Variants in FGFR2 observed in about 807,000 individuals in gnomAD.
FGFR2 encodes fibroblast growth factor receptor 2.
FGFR2 carries 19 observed loss-of-function variants against 95.9 expected under a neutral mutation model. That is an observed-to-expected ratio of 0.20 (90% CI 0.14 to 0.29). The LOEUF (loss-of-function observed/expected upper bound fraction) is 0.29, where lower values mean the gene tolerates loss of function less well. Ranked by LOEUF, FGFR2 falls within the 10% of genes least tolerant of loss-of-function variation. The pLI is 1.00. For missense variants in FGFR2, 707 were observed against 1,056.9 expected (o/e 0.67, Z 4.59); for synonymous variants, 392 against 393.3 (o/e 1.00, Z 0.04).
intron 6 of FGFR2, among the ~76,000 whole-genome samples, chr10:121,528,930 T>G (rs545339864): frequency 6.6e-6 from 1 of 152,200 alleles, no homozygotes; most frequent in South Asian, 2.1e-4. Flanking sequence ...AATGTAAAAT[T>G]TATTTATTTA....
rs200700308 is a variant in FGFR2 at position 121,565,671 on chromosome 10, T to G, written c.143A>C (p.Glu48Ala). The change falls in exon 3 of 18, where the codon GAA becomes GCA. Residue 48 changes from glutamate (E) to alanine (A), a missense_variant. Transcript: ENST00000358487. ...CTCCCCTGGCGCAGCCACGTACACT[T>G]CTGGTTGAGAGATTTGGTATTTGGT... ...PPTKYQISQP[E>A]VYVAAPGESL... The G allele has an allele frequency of 8.1e-6, 13 of 1,613,994 alleles. No individual in the cohort carries two copies. In the African/African-American group the frequency reaches 1.2e-4, roughly 15 times the overall value.
intron 1 of FGFR2, among the ~76,000 whole-genome samples, chr10:121,595,320 AG>A (rs1863259481): frequency 6.6e-6 from 1 of 152,232 alleles, no homozygotes; most frequent in South Asian, 2.1e-4. Flanking sequence ...AGGAGGGAAA[AG>A]AATATGCCAC....
intron 2 of FGFR2, among the ~76,000 whole-genome samples, chr10:121,580,758 C>T (rs532152132): frequency 1.2e-4 from 19 of 152,266 alleles, no homozygotes; most frequent in African/African-American, 4.3e-4. Flanking sequence ...CGTTAAGAGC[C>T]GGCGCCATCA....
intron 2 of FGFR2, among the ~76,000 whole-genome samples, chr10:121,590,172 A>C (rs1299526536): frequency 6.6e-6 from 1 of 152,132 alleles, no homozygotes; most frequent in Non-Finnish European, 1.5e-5. Flanking sequence ...TCAGGTTGTT[A>C]CTTTTCAGAG....
intron 4 of FGFR2, among the ~76,000 whole-genome samples, chr10:121,562,027 C>T (rs1857053264): frequency 6.6e-6 from 1 of 152,140 alleles, no homozygotes; most frequent in South Asian, 2.1e-4. Context: ...AAATCCAGAA[C>T]ACCAAGCACA....
At chr10:121,544,366 C>T (rs924437371) in intron 5 of FGFR2, among the ~76,000 whole-genome samples, 1 of 150,954 alleles carries the variant, frequency 6.6e-6, no homozygotes, top group African/African-American at 2.4e-5. Flanking sequence ...ATCGCTCGAA[C>T]CTGGGAGGCG....
intron 4 of FGFR2, among the ~76,000 whole-genome samples, chr10:121,560,734 C>A (rs1856839826): frequency 1.3e-5 from 2 of 149,904 alleles, no homozygotes; most frequent in Non-Finnish European, 3.0e-5. Flanking sequence ...ACAGAAGATA[C>A]TTCCACTCAC....
At chr10:121,578,934 T>G (rs189583624) in intron 2 of FGFR2, among the ~76,000 whole-genome samples, 1 of 152,180 alleles carries the variant, frequency 6.6e-6, no homozygotes, top group East Asian at 1.9e-4. Flanking sequence ...AAAAAAAGAT[T>G]CTGGGTCAGT....
Position 121,485,309 on chromosome 10 carries a change from G to A in FGFR2, c.2195+86C>T, listed in dbSNP as rs903933854. The A allele has an allele frequency of 2.5e-6, 4 of 1,573,116 alleles. No homozygotes were observed. Among genetic ancestry groups the A allele is most frequent in the Non-Finnish European group, 2.6e-6 (3 of 1,144,840 alleles). The stretch of plus-strand genomic sequence containing the variant: ...TTAGAGCATGTTTAGGAAACCAGGG[G>A]CCTTCAAAAACGAGATACATCAGGA... On this transcript the variant is annotated intron_variant, in intron 16 of 17. Transcript: ENST00000358487. This position sits in a 1 kb window ranked among gnomAD's most constrained non-coding sequence, Gnocchi z 4.2.
At chr10:121,573,615 G>A (rs1249946687) in intron 2 of FGFR2, among the ~76,000 whole-genome samples, 1 of 152,006 alleles carries the variant, frequency 6.6e-6, no homozygotes, top group Non-Finnish European at 1.5e-5. Flanking sequence ...AACAGAGGGA[G>A]GGAGAGGAAA....
At position 121,515,288 on chromosome 10, in the gene FGFR2, G is replaced by A. The variant is rs2134230156; in HGVS notation, c.1116C>T (p.Ser372=). 2 of 1,614,088 alleles carry A rather than the reference G, an allele frequency of 1.2e-6. No homozygotes were observed. The highest frequency in any genetic ancestry group is 8.5e-7 in the Non-Finnish European group (1 of 1,180,012). The part of the protein sequence containing the change: ...APGREKEITA[S]PDYLEIAIYC... The stretch of plus-strand genomic sequence containing the variant: ...AAATGGCTATCTCCAGGTAGTCTGG[G>A]GAAGCTGTAATCTCCTTTTCTCTTC... Residue 372 remains serine (S), a synonymous_variant, in exon 9 of 18, where the codon TCC becomes TCT. Transcript: ENST00000358487.
chr10:121,502,021 G>GA (rs1363125681), intron 10 of FGFR2, among the ~76,000 whole-genome samples: 4 of 152,170 alleles, frequency 2.6e-5, no homozygotes, highest in African/African-American at 9.7e-5. Flanking sequence ...ACACTGTTTT[G>GA]AAATGTTTAG....
intron 2 of FGFR2, among the ~76,000 whole-genome samples, chr10:121,569,771 C>A (rs1858302220): frequency 6.6e-6 from 1 of 152,238 alleles, no homozygotes; most frequent in Non-Finnish European, 1.5e-5. Context: ...TAACTGCTGT[C>A]TTGGTAAACT....
chr10:121,532,040 A>G (rs1852149174), intron 6 of FGFR2, among the ~76,000 whole-genome samples: 1 of 152,140 alleles, frequency 6.6e-6, no homozygotes, highest in African/African-American at 2.4e-5. Context: ...CTCCGGTGAG[A>G]TTTCGCAACT....
At chr10:121,521,442 T>C (rs957459130) in intron 6 of FGFR2, among the ~76,000 whole-genome samples, 3 of 152,128 alleles carry the variant, frequency 2.0e-5, no homozygotes, top group Non-Finnish European at 4.4e-5. Context: ...CAACCACACA[T>C]GAGACTCCTC....
In FGFR2 at chr10:121,515,193, G is replaced by C. The variant is rs1003638950; in HGVS notation, c.1211C>G (p.Thr404Ser). ...TVILCRMKNTTKKPDFSSQPA... is the reference protein window; with the variant it reads ...TVILCRMKNTSKKPDFSSQPA... The stretch of plus-strand genomic sequence containing the variant: ...CTGGCTGCTGAAGTCTGGCTTCTTG[G>C]TCGTGTTCTTCATTCGGCACAGGAT... Residue 404 changes from threonine to serine, a missense_variant, in exon 9 of 18, where the codon ACC becomes AGC. Around this residue, in one of 7 missense-constraint regions of FGFR2, gnomAD observed 194 missense variants for 267.3 expected, o/e 0.73. Coordinates refer to ENST00000358487, the MANE Select transcript of FGFR2 (RefSeq NM_000141.5). 6.2e-7 allele frequency: 1 copy of C among 1,614,164 alleles called. No individual in the cohort carries two copies. The highest frequency in any genetic ancestry group is 1.1e-5 in the South Asian group (1 of 91,074).
intron 9 of FGFR2, among the ~76,000 whole-genome samples, chr10:121,511,875 CAT>C (rs1188675473): frequency 6.6e-6 from 1 of 152,208 alleles, no homozygotes; most frequent in East Asian, 1.9e-4. Flanking sequence ...AAAAAAATAA[CAT>C]AAACTGAAAC....
intron 1 of FGFR2, 122 bp downstream of exon 1, chr10:121,597,840 T>G: frequency 2.7e-6 from 1 of 368,130 alleles, no homozygotes. Context: ...CGGAGCGTCC[T>G]CCACAATGCT....
intron 2 of FGFR2, among the ~76,000 whole-genome samples, chr10:121,580,523 C>T (rs1860685992): frequency 1.3e-5 from 2 of 152,136 alleles, no homozygotes. Flanking sequence ...CCTGGGGAGC[C>T]GGCAGCAATC....
Sources: gnomAD v4.1 joint callset for allele counts (sites outside exome capture counted in the v4.1 genomes callset) on GRCh38, gnomAD v4.1.1 for gene constraint, gnomAD v4.1.1 regional missense constraint, Gnocchi (gnomAD v3.1) non-coding constraint, MANE v1.5 for transcripts, NCBI Gene and HGNC (gene_info 2026-07-23, HGNC 2026-07-21) for gene names.